The following MLLT3 variants were observed in gnomAD, a reference collection of about 807,000 sequenced individuals.
MLLT3 encodes the protein MLLT3 super elongation complex subunit.
In MLLT3, 4 loss-of-function variants were observed where a neutral mutation model predicts 53.2. The observed-to-expected ratio is 0.08, with a 90% confidence interval of 0.04 to 0.17. The LOEUF is 0.17. MLLT3 is among the 10% of genes least tolerant of loss of function. MLLT3 has a pLI of 1.00. For missense variants in MLLT3, 569 were observed against 684.0 expected (o/e 0.83, Z 1.87); for synonymous variants, 283 against 230.6 (o/e 1.23, Z -2.06).
intron 5 of MLLT3, among the ~76,000 whole-genome samples, chr9:20,385,849 C>A (rs1420066410): frequency 6.6e-6 from 1 of 152,180 alleles, no homozygotes; most frequent in East Asian, 1.9e-4. Flanking sequence ...AATCTTAAGA[C>A]CATTATGAAA....
In MLLT3 at chr9:20,346,119, C is replaced by A; in HGVS notation, c.*324G>T. On this transcript the variant is annotated 3_prime_UTR_variant, in exon 11 of 11. Transcript: ENST00000380338. ...ACCACCACAGAGAGATACATGATAC[C>A]ATACACATTCTTTGAGTTTTCTTGT... is the stretch of plus-strand genomic sequence containing the variant. 3.2e-6 allele frequency: 1 copy of A among 310,182 alleles called. No individual in the cohort carries two copies. Among genetic ancestry groups the A allele is most frequent in the South Asian group, 6.3e-5 (1 of 15,758 alleles). The allele number at this position is 310,182 out of a possible 1,614,324, so 19.2% of individuals were successfully genotyped here. A position where few individuals can be genotyped will look rare whatever the true frequency, so the allele number is the denominator to read the frequency against.
At chr9:20,355,323 C>A (rs970543574) in intron 8 of MLLT3, among the ~76,000 whole-genome samples, 6 of 152,134 alleles carry the variant, frequency 3.9e-5, no homozygotes, top group Non-Finnish European at 7.4e-5. Flanking sequence ...TACTCAAATG[C>A]CCTTTTTAGT....
intron 2 of MLLT3, among the ~76,000 whole-genome samples, chr9:20,545,999 G>A (rs138226541): frequency 1.3e-5 from 2 of 151,950 alleles, no homozygotes; most frequent in Non-Finnish European, 2.9e-5. Flanking sequence ...AGCCTGGGCA[G>A]CACAGCAAGA....
chr9:20,566,881 G>A (rs1244364109), intron 2 of MLLT3, among the ~76,000 whole-genome samples: 1 of 152,030 alleles, frequency 6.6e-6, no homozygotes, highest in Non-Finnish European at 1.5e-5. Context: ...GGATACGGAG[G>A]AATAGCAGCA....
chr9:20,508,460 C>G lies in MLLT3; in HGVS notation c.194-51674G>C, dbSNP rs376304838. Among the ~76,000 whole-genome samples the G allele has an allele frequency of 4.4e-4, 67 of 152,204 alleles. 1 individual carries two copies. The South Asian group carries it at 0.013, about 30-fold the overall frequency. On this transcript the variant is annotated intron_variant, in intron 2 of 10. Coordinates refer to ENST00000380338, the MANE Select transcript of MLLT3 (RefSeq NM_004529.4). Reference sequence around the variant, plus strand: ...CACTATCATCCCAGGATCTAGAGACCTAAAGCAGAAGAAATTCTAGTCAAC... The same window carrying G: ...CACTATCATCCCAGGATCTAGAGACGTAAAGCAGAAGAAATTCTAGTCAAC...
chr9:20,459,297 T>C (rs1824049752), intron 2 of MLLT3, among the ~76,000 whole-genome samples: 1 of 152,190 alleles, frequency 6.6e-6, no homozygotes. Flanking sequence ...GTTTCTCTAA[T>C]AGAAAAACGA....
chr9:20,411,583 T>C (rs1197442708), intron 5 of MLLT3, among the ~76,000 whole-genome samples: 1 of 152,222 alleles, frequency 6.6e-6, no homozygotes, highest in Non-Finnish European at 1.5e-5. Context: ...CAAAAACTAC[T>C]ATTGTAATCA....
intron 2 of MLLT3, among the ~76,000 whole-genome samples, chr9:20,544,565 C>G (rs1818735414): frequency 6.6e-6 from 1 of 152,118 alleles, no homozygotes; most frequent in African/African-American, 2.4e-5. Flanking sequence ...ATGGCCACTA[C>G]TGAAAAAACA....
At chr9:20,408,300 C>CT (rs1244274606) in intron 5 of MLLT3, among the ~76,000 whole-genome samples, 1 of 151,434 alleles carries the variant, frequency 6.6e-6, no homozygotes, top group Non-Finnish European at 1.5e-5. Flanking sequence ...TTTTTAACTG[C>CT]TTTTTTCAAA....
chr9:20,519,206 C>G (rs1817994621), intron 2 of MLLT3, among the ~76,000 whole-genome samples: 1 of 152,034 alleles, frequency 6.6e-6, no homozygotes, highest in Non-Finnish European at 1.5e-5. Context: ...AAAAACTAGA[C>G]AAATCTGAAT....
At chr9:20,581,145 G>A (rs375522593) in intron 2 of MLLT3, among the ~76,000 whole-genome samples, 9 of 152,252 alleles carry the variant, frequency 5.9e-5, no homozygotes, top group African/African-American at 1.7e-4. Context: ...TCTTTTTGGA[G>A]GATAAACTCA....
At chr9:20,519,216 TA>T (rs1024156131) in intron 2 of MLLT3, among the ~76,000 whole-genome samples, 2 of 152,198 alleles carry the variant, frequency 1.3e-5, no homozygotes, top group African/African-American at 4.8e-5. Context: ...CAAATCTGAA[TA>T]AAGTCTGGAA....
intron 2 of MLLT3, among the ~76,000 whole-genome samples, chr9:20,613,918 C>G (rs989578955): frequency 6.6e-6 from 1 of 152,048 alleles, no homozygotes; most frequent in Non-Finnish European, 1.5e-5. Flanking sequence ...ATTAGAAAAA[C>G]CATTAAAATG....
At chr9:20,616,332 C>G (rs1428075457) in intron 2 of MLLT3, among the ~76,000 whole-genome samples, 1 of 152,100 alleles carries the variant, frequency 6.6e-6, no homozygotes, top group Non-Finnish European at 1.5e-5. Flanking sequence ...AATATCTACC[C>G]AAGATATTAA....
intron 2 of MLLT3, among the ~76,000 whole-genome samples, chr9:20,517,255 T>C (rs1207406801): frequency 2.6e-5 from 4 of 152,178 alleles, no homozygotes. Context: ...TTCTACCTAC[T>C]GTAGAGGGCT....
At chr9:20,572,790 C>T (rs912804572) in intron 2 of MLLT3, among the ~76,000 whole-genome samples, 2 of 151,956 alleles carry the variant, frequency 1.3e-5, no homozygotes, top group Non-Finnish European at 2.9e-5. Context: ...CAAGACTCCA[C>T]CTCAAAAAAT....
intron 5 of MLLT3, among the ~76,000 whole-genome samples, chr9:20,392,371 G>A (rs1822209512): frequency 6.6e-6 from 1 of 152,058 alleles, no homozygotes; most frequent in Admixed American, 6.6e-5. Flanking sequence ...TGATAGAACT[G>A]TAATTTGATA....
At chr9:20,416,311 T>G (rs1325984620) in intron 4 of MLLT3, among the ~76,000 whole-genome samples, 1 of 151,994 alleles carries the variant, frequency 6.6e-6, no homozygotes, top group East Asian at 1.9e-4. Context: ...TGTTTAATAT[T>G]CAACCTATAT....
intron 2 of MLLT3, among the ~76,000 whole-genome samples, chr9:20,487,604 G>C (rs568256271): frequency 7.9e-5 from 12 of 152,190 alleles, no homozygotes; most frequent in Non-Finnish European, 1.5e-4. Flanking sequence ...TATTTTAGAA[G>C]GGTCCATCTG....
Sources: gnomAD v4.1 joint callset for allele counts (sites outside exome capture counted in the v4.1 genomes callset) on GRCh38, gnomAD v4.1.1 for gene constraint, MANE v1.5 for transcripts, NCBI Gene and HGNC (gene_info 2026-07-23, HGNC 2026-07-21) for gene names.